ADAMTS18: variants seen among roughly 807,000 people sequenced by gnomAD.
ADAMTS18 encodes ADAM metallopeptidase with thrombospondin type 1 motif 18, also known as A disintegrin and metalloproteinase with thrombospondin motifs 18.
In ADAMTS18, 157 loss-of-function variants were observed where a neutral mutation model predicts 165.9. That is an observed-to-expected ratio of 0.95 (90% CI 0.83 to 1.08). The LOEUF (loss-of-function observed/expected upper bound fraction) is 1.08, where lower values mean the gene tolerates loss of function less well. Among genes scored for constraint, ADAMTS18 ranks in the 50% least tolerant of loss-of-function variants. The pLI is 0.00. For synonymous variants in ADAMTS18, 782 were observed against 578.2 expected, an observed-to-expected ratio of 1.35 and a Z score of -5.06; for missense variants, 2,040 against 1,534.0, an observed-to-expected ratio of 1.33 and a Z score of -5.51.
At chr16:77,380,736 T>G (rs549225545) in intron 3 of ADAMTS18, among the ~76,000 whole-genome samples, 2 of 152,218 alleles carry the variant, frequency 1.3e-5, no homozygotes, top group East Asian at 1.9e-4. Flanking sequence ...TTCCTTCTTA[T>G]TCTCCCTGCC....
intron 12 of ADAMTS18, among the ~76,000 whole-genome samples, chr16:77,333,128 A>G (rs969664099): frequency 6.6e-6 from 1 of 152,162 alleles, no homozygotes. Context: ...GTCTTACTGG[A>G]TCATCACAGT....
chr16:77,340,201 G>C (rs1273925699), intron 11 of ADAMTS18, among the ~76,000 whole-genome samples: 1 of 152,124 alleles, frequency 6.6e-6, no homozygotes, highest in Non-Finnish European at 1.5e-5. Flanking sequence ...TTTTGAGAGA[G>C]TCTTGCTCTG....
chr16:77,394,691 G>A (rs924831003), intron 3 of ADAMTS18, among the ~76,000 whole-genome samples: 8 of 152,246 alleles, frequency 5.3e-5, no homozygotes, highest in African/African-American at 1.4e-4. Flanking sequence ...GACTTACCAC[G>A]AAAATTTCAA....
At chr16:77,327,115 G>C (rs2056108354) in intron 12 of ADAMTS18, among the ~76,000 whole-genome samples, 1 of 152,188 alleles carries the variant, frequency 6.6e-6, no homozygotes, top group Non-Finnish European at 1.5e-5. Flanking sequence ...CATTCAGGTT[G>C]ATTCCATGCC....
intron 16 of ADAMTS18, among the ~76,000 whole-genome samples, chr16:77,308,185 C>T (rs532007767): frequency 1.3e-5 from 2 of 151,964 alleles, no homozygotes; most frequent in East Asian, 1.9e-4. Flanking sequence ...CTAACATAAA[C>T]GAGAGCTTTT....
intron 12 of ADAMTS18, among the ~76,000 whole-genome samples, chr16:77,333,997 C>T (rs1424549340): frequency 1.4e-3 from 199 of 138,458 alleles, no homozygotes; most frequent in African/African-American, 5.1e-3. Flanking sequence ...ATATAATATA[C>T]AGTGCAATAT....
intron 3 of ADAMTS18, among the ~76,000 whole-genome samples, chr16:77,379,917 G>A (rs887622830): frequency 1.3e-5 from 2 of 152,272 alleles, no homozygotes; most frequent in Admixed American, 1.3e-4. Context: ...GCATCACTGG[G>A]CAAAGTTGAT....
At chr16:77,351,753 G>C (rs1041474187) in intron 10 of ADAMTS18, among the ~76,000 whole-genome samples, 1 of 151,818 alleles carries the variant, frequency 6.6e-6, no homozygotes, top group East Asian at 1.9e-4. Context: ...TAGAAATAGG[G>C]TCTCAGTCTG....
intron 3 of ADAMTS18, among the ~76,000 whole-genome samples, chr16:77,399,199 C>T (rs1361198516): frequency 6.6e-5 from 10 of 152,196 alleles, no homozygotes; most frequent in East Asian, 1.9e-4. Flanking sequence ...AAGGCACCAG[C>T]GCTGTGCACA....
At chr16:77,317,811 C>A (rs1398982993) in intron 16 of ADAMTS18, among the ~76,000 whole-genome samples, 1 of 152,118 alleles carries the variant, frequency 6.6e-6, no homozygotes, top group African/African-American at 2.4e-5. Flanking sequence ...CATGGTAGCA[C>A]GGTATTTGTT....
At chr16:77,390,855 C>A (rs142433703) in intron 3 of ADAMTS18, among the ~76,000 whole-genome samples, 132 of 152,238 alleles carry the variant, frequency 8.7e-4, no homozygotes, top group African/African-American at 3.1e-3. Flanking sequence ...AAATTCAGTG[C>A]CTCAGTTATA....
chr16:77,351,141 G>A (rs989074211), intron 10 of ADAMTS18, among the ~76,000 whole-genome samples: 1 of 152,224 alleles, frequency 6.6e-6, no homozygotes, highest in South Asian at 2.1e-4. Context: ...TGTGGCCATG[G>A]GTTCAAGTTA....
chr16:77,355,036 T>C (rs980615416), intron 9 of ADAMTS18, among the ~76,000 whole-genome samples: 2 of 152,168 alleles, frequency 1.3e-5, no homozygotes, highest in African/African-American at 4.8e-5. Flanking sequence ...TGTGTATAGA[T>C]CTTACTAATT....
At chr16:77,373,175 C>T (rs972739875) in intron 3 of ADAMTS18, among the ~76,000 whole-genome samples, 59 of 152,138 alleles carry the variant, frequency 3.9e-4, no homozygotes, top group Middle Eastern at 3.2e-3. Context: ...CTCAGAGAAG[C>T]CGTACTCACG....
chr16:77,385,476 C>A (rs1317463307), intron 3 of ADAMTS18, among the ~76,000 whole-genome samples: 1 of 152,164 alleles, frequency 6.6e-6, no homozygotes, highest in Non-Finnish European at 1.5e-5. Flanking sequence ...ATCAGTGATG[C>A]TCTCCCTTCC....
chr16:77,382,155 C>T (rs980535824), intron 3 of ADAMTS18, among the ~76,000 whole-genome samples: 1 of 152,212 alleles, frequency 6.6e-6, no homozygotes, highest in Non-Finnish European at 1.5e-5. Flanking sequence ...ACCATATCTT[C>T]CCAGCCCCTG....
At chr16:77,286,227 G>A (rs532558909) in intron 22 of ADAMTS18, among the ~76,000 whole-genome samples, 4 of 152,240 alleles carry the variant, frequency 2.6e-5, no homozygotes, top group South Asian at 4.1e-4. Context: ...CTTCCTTGAG[G>A]TCTCTGTTTA....
At chr16:77,299,623 C>T (rs1363810227) in intron 17 of ADAMTS18, among the ~76,000 whole-genome samples, 3 of 152,188 alleles carry the variant, frequency 2.0e-5, no homozygotes, top group Non-Finnish European at 4.4e-5. Context: ...CTTGTTCTTC[C>T]TCCCAAATGA....
chr16:77,368,430 T>A lies in ADAMTS18; in HGVS notation c.496-707A>T, dbSNP rs367995909. ...TCAAGTGGTTCACACTTGATTTTTCTTTTTTTCTTTTTTTTTTTTTTTTTG... is the reference window on the plus strand; with the variant it reads ...TCAAGTGGTTCACACTTGATTTTTCATTTTTTCTTTTTTTTTTTTTTTTTG... On this transcript the variant is annotated intron_variant, in intron 3 of 22. Coordinates refer to ENST00000282849, the MANE Select transcript of ADAMTS18 (RefSeq NM_199355.4). 1.0e-3 allele frequency among the ~76,000 whole-genome samples: 148 copies of A among 148,500 alleles called. 1 individual carries two copies. Among genetic ancestry groups the A allele is most frequent in the African/African-American group, 3.6e-3 (139 of 38,726 alleles).
Sources: gnomAD v4.1 joint callset for allele counts (sites outside exome capture counted in the v4.1 genomes callset) on GRCh38, gnomAD v4.1.1 for gene constraint, MANE v1.5 for transcripts, NCBI Gene and HGNC (gene_info 2026-07-23, HGNC 2026-07-21) for gene names.